The following FMNL2 variants were observed in gnomAD, a reference collection of about 807,000 sequenced individuals.
The protein encoded by FMNL2 is formin like 2, also known as formin-like protein 2.
FMNL2 carries 51 observed loss-of-function variants against 130.2 expected under a neutral mutation model. The observed-to-expected ratio is 0.39, with a 90% CI of 0.31 to 0.49. FMNL2 has a LOEUF of 0.49. FMNL2 is among the 20% of genes least tolerant of loss of function. The pLI, the probability that FMNL2 is intolerant of heterozygous loss-of-function variation, is 0.85. For missense variants in FMNL2, 977 were observed against 1,316.2 expected, an observed-to-expected ratio of 0.74 and a Z score of 3.99; for synonymous variants, 465 against 467.1, an observed-to-expected ratio of 1.00 and a Z score of 0.06.
intron 1 of FMNL2, among the ~76,000 whole-genome samples, chr2:152,412,780 C>G (rs1442776897): frequency 6.6e-6 from 1 of 151,810 alleles, no homozygotes; most frequent in Non-Finnish European, 1.5e-5. Flanking sequence ...GCACTCCAAC[C>G]TGGGTGACAC....
At chr2:152,380,463 C>T (rs1317907549) in intron 1 of FMNL2, among the ~76,000 whole-genome samples, 2 of 152,234 alleles carry the variant, frequency 1.3e-5, no homozygotes, top group East Asian at 3.8e-4. Context: ...CAAGTTCTTG[C>T]CATGCTTGTG....
intron 1 of FMNL2, among the ~76,000 whole-genome samples, chr2:152,417,653 C>T (rs145747222): frequency 0.012 from 1,764 of 152,188 alleles, 29 homozygotes; most frequent in African/African-American, 0.04. Flanking sequence ...TGATGTATAT[C>T]CCCTTTTGCT....
chr2:152,440,048 G>A (rs567088133), intron 1 of FMNL2, among the ~76,000 whole-genome samples: 2 of 152,116 alleles, frequency 1.3e-5, no homozygotes, highest in East Asian at 3.9e-4. Context: ...AAAATGAGAA[G>A]TGGACGTGAA....
chr2:152,529,008 A>C (rs1693550892), intron 2 of FMNL2, among the ~76,000 whole-genome samples: 2 of 152,220 alleles, frequency 1.3e-5, no homozygotes, highest in South Asian at 4.1e-4. Context: ...CCTGCAAAAA[A>C]GGATGAGAAA....
At chr2:152,626,442 T>C in intron 16 of FMNL2, 83 bp from the exon 17 acceptor site, 1 of 1,192,082 alleles carries the variant, frequency 8.4e-7, no homozygotes, top group Non-Finnish European at 1.2e-6. Context: ...AGTGACGTTT[T>C]TGCTTAAGAA....
At chr2:152,622,568 C>T (rs768912367) in intron 15 of FMNL2, 2 of 456,678 alleles carry the variant, frequency 4.4e-6, no homozygotes, top group South Asian at 3.1e-5. Context: ...GTAGGTTGCT[C>T]CTCACTGAGT....
At chr2:152,647,706 G>A (rs1263499868) in intron 25 of FMNL2, 90 bp from the exon 26 acceptor site, 4 of 1,211,858 alleles carry the variant, frequency 3.3e-6, no homozygotes, top group Non-Finnish European at 4.9e-6. Context: ...TACACAAGCT[G>A]CTTTGATTGG....
At chr2:152,381,446 G>A (rs994847507) in intron 1 of FMNL2, among the ~76,000 whole-genome samples, 1 of 152,180 alleles carries the variant, frequency 6.6e-6, no homozygotes, top group African/African-American at 2.4e-5. Flanking sequence ...GAGACAATGA[G>A]AGGAGCTTCT....
intron 1 of FMNL2, among the ~76,000 whole-genome samples, chr2:152,391,210 T>C (rs749390539): frequency 3.2e-4 from 49 of 152,234 alleles, no homozygotes; most frequent in Non-Finnish European, 6.6e-4. Context: ...TTTGATGCAG[T>C]CACATATGCC....
chr2:152,612,210 CAG>C (rs1475815400), intron 11 of FMNL2, among the ~76,000 whole-genome samples: 1 of 152,140 alleles, frequency 6.6e-6, no homozygotes, highest in African/African-American at 2.4e-5. Context: ...AGTTAAGAAA[CAG>C]AAACTTGTGA....
At chr2:152,441,666 A>G (rs934217766) in intron 1 of FMNL2, among the ~76,000 whole-genome samples, 1 of 152,028 alleles carries the variant, frequency 6.6e-6, no homozygotes, top group African/African-American at 2.4e-5. Flanking sequence ...GAGAAACCCC[A>G]TCTCTACTAA....
intron 7 of FMNL2, among the ~76,000 whole-genome samples, chr2:152,575,450 C>CA (rs5835437): frequency 4.8e-4 from 73 of 150,594 alleles, no homozygotes; most frequent in Admixed American, 2.5e-3. Context: ...ACCAACCAAA[C>CA]AAAAAAAAAA....
At chr2:152,609,496 T>G (rs1352306990) in intron 10 of FMNL2, among the ~76,000 whole-genome samples, 2 of 152,216 alleles carry the variant, frequency 1.3e-5, no homozygotes, top group African/African-American at 4.8e-5. Context: ...TTTCTACCCT[T>G]TTTCTGTATT....
At chr2:152,548,891 CA>C in intron 3 of FMNL2, 129 bp from the exon 4 acceptor site, 11 of 719,014 alleles carry the variant, frequency 1.5e-5, no homozygotes, top group East Asian at 3.0e-5. Flanking sequence ...TGCTCTGCAA[CA>C]AAAAAAGTGA....
At chr2:152,465,354 G>A (rs910758702) in intron 1 of FMNL2, among the ~76,000 whole-genome samples, 1 of 152,230 alleles carries the variant, frequency 6.6e-6, no homozygotes, top group African/African-American at 2.4e-5. Flanking sequence ...AAAGGAGCCC[G>A]AGAGCAGGAA....
chr2:152,339,738 T>C (rs950959259), intron 1 of FMNL2, among the ~76,000 whole-genome samples: 12 of 152,228 alleles, frequency 7.9e-5, no homozygotes, highest in African/African-American at 2.4e-4. Flanking sequence ...TCATTTTTTT[T>C]CTGCATGTCC....
intron 2 of FMNL2, among the ~76,000 whole-genome samples, chr2:152,523,471 T>G (rs1693216576): frequency 6.6e-6 from 1 of 152,206 alleles, no homozygotes. Flanking sequence ...ATATCCTCAC[T>G]GAAAAAAACT....
At chr2:152,375,964 G>A (rs1426998477) in intron 1 of FMNL2, among the ~76,000 whole-genome samples, 1 of 150,038 alleles carries the variant, frequency 6.7e-6, no homozygotes, top group South Asian at 2.1e-4. Context: ...TGTGATCTCT[G>A]CTCACCCCAA....
rs138519497 is a variant in FMNL2 at position 152,588,166 on chromosome 2, G to A, written c.876+7117G>A. Among the ~76,000 whole-genome samples, 1,204 of 152,330 alleles carry A rather than the reference G, an allele frequency of 7.9e-3. 16 individuals carry two copies. Among genetic ancestry groups the A allele is most frequent in the African/African-American group, 0.028 (1,158 of 41,574 alleles). On this transcript the variant is annotated intron_variant, in intron 9 of 25. Transcript: ENST00000288670. ...GTTCTGTAGACCAGAAGAATAAAAT[G>A]AGTGTATAGGGTGGTAATCTCTGAA...
Sources: gnomAD v4.1 joint callset for allele counts (sites outside exome capture counted in the v4.1 genomes callset) on GRCh38, gnomAD v4.1.1 for gene constraint, MANE v1.5 for transcripts, NCBI Gene and HGNC (gene_info 2026-07-23, HGNC 2026-07-21) for gene names.